NEMP2: variants seen among roughly 807,000 people sequenced by gnomAD.
The protein encoded by NEMP2 is UPF0571 transmembrane protein.
In NEMP2, 53 loss-of-function variants were observed where a neutral mutation model predicts 54.2. The observed-to-expected ratio is 0.98, with a 90% CI of 0.78 to 1.23. The LOEUF (loss-of-function observed/expected upper bound fraction) is 1.23, where lower values mean the gene tolerates loss of function less well. Ranked by LOEUF, NEMP2 falls within the 50% of genes most tolerant of loss-of-function variation. NEMP2 has a pLI of 0.00. For synonymous variants in NEMP2, 197 were observed against 190.3 expected, an observed-to-expected ratio of 1.04 and a Z score of -0.29; for missense variants, 455 against 511.3, an observed-to-expected ratio of 0.89 and a Z score of 1.06.
chr2:190,609,280 G>A, the NEMP2 span: 2 of 152,194 alleles, frequency 1.3e-5, no homozygotes, highest in South Asian at 2.1e-4. The surrounding 1 kb of genome is among the most constrained non-coding windows in gnomAD (Gnocchi z 4.7). Flanking sequence ...CTATAACTAA[G>A]GTCTGAGTCC....
rs1438178270 is a variant in NEMP2 at position 190,530,846 on chromosome 2, G to A, written c.97+3713C>T. Among the ~76,000 whole-genome samples, 1 of 152,182 alleles carries A rather than the reference G, an allele frequency of 6.6e-6. No homozygotes were observed. The highest frequency in any genetic ancestry group is 2.1e-4 in the South Asian group (1 of 4,826). On this transcript the variant is annotated intron_variant, in intron 1 of 8. Coordinates refer to ENST00000409150, the MANE Select transcript of NEMP2 (RefSeq NM_001142645.2). This position sits in a 1 kb window ranked among gnomAD's most constrained non-coding sequence, Gnocchi z 4.6. The stretch of plus-strand genomic sequence containing the variant: ...TACTAGGATAGAACCTCCGGTAGCA[G>A]ATGTAGGCAAACTCAAATGTATCAA...
the NEMP2 span, among the ~76,000 whole-genome samples, chr2:190,570,286 C>G: frequency 1.3e-5 from 2 of 152,026 alleles, no homozygotes; most frequent in African/African-American, 4.8e-5. The surrounding 1 kb of genome is among the most constrained non-coding windows in gnomAD (Gnocchi z 5.4). Flanking sequence ...TTTGATGTTT[C>G]CAAATCTGAG....
Position 190,529,830 on chromosome 2 carries a change from T to C in NEMP2, c.98-4452A>G, listed in dbSNP as rs1691077944. Among the ~76,000 whole-genome samples, 1 of 152,154 alleles carries C rather than the reference T, an allele frequency of 6.6e-6. No homozygotes were observed. The highest frequency in any genetic ancestry group is 6.5e-5 in the Admixed American group (1 of 15,278). The stretch of plus-strand genomic sequence containing the variant: ...CTTGAAACCACCTGATGTAGTAGGA[T>C]GCCCTTGCCAGCCTGTGCCACTGCC... On this transcript the variant is annotated intron_variant, in intron 1 of 8. Transcript: ENST00000409150. The surrounding 1 kb of genome is among the most constrained non-coding windows in gnomAD (Gnocchi z 4.7).
At chr2:190,579,132 TG>T in the NEMP2 span, among the ~76,000 whole-genome samples, 1 of 152,124 alleles carries the variant, frequency 6.6e-6, no homozygotes, top group African/African-American at 2.4e-5. Context: ...TTGGTTTGTG[TG>T]TGTGTGTCCT....
the NEMP2 span, among the ~76,000 whole-genome samples, chr2:190,474,627 G>A: frequency 1.3e-5 from 2 of 152,048 alleles, no homozygotes; most frequent in Non-Finnish European, 2.9e-5. Context: ...AGCTGAATTC[G>A]ACCAGAGGTA....
the NEMP2 span, among the ~76,000 whole-genome samples, chr2:190,646,091 C>T: frequency 6.6e-6 from 1 of 152,184 alleles, no homozygotes; most frequent in East Asian, 1.9e-4. Flanking sequence ...AAAATCACAC[C>T]AGGAGAAACC....
chr2:190,497,728 C>G, the NEMP2 span: 1 of 1,606,708 alleles, frequency 6.2e-7, no homozygotes, highest in Non-Finnish European at 8.5e-7. This position sits in a 1 kb window ranked among gnomAD's most constrained non-coding sequence, Gnocchi z 5.2. Context: ...AGGTACAGTT[C>G]CTTTGCTGGG....
the NEMP2 span, among the ~76,000 whole-genome samples, chr2:190,474,525 G>A: frequency 1.3e-5 from 2 of 152,154 alleles, no homozygotes; most frequent in East Asian, 3.8e-4. Flanking sequence ...GGAAGAAGTT[G>A]AATCTCTGAA....
chr2:190,613,748 C>T, the NEMP2 span, among the ~76,000 whole-genome samples: 31 of 152,072 alleles, frequency 2.0e-4, 1 homozygote, highest in Admixed American at 5.9e-4. Flanking sequence ...CCACCATGCC[C>T]GGCTAATTTT....
At chr2:190,591,790 A>G in the NEMP2 span, among the ~76,000 whole-genome samples, 3 of 152,132 alleles carry the variant, frequency 2.0e-5, no homozygotes, top group African/African-American at 7.2e-5. The surrounding 1 kb of genome is among the most constrained non-coding windows in gnomAD (Gnocchi z 5.4). Flanking sequence ...GACATAACAC[A>G]TTATTGTTGT....
chr2:190,628,261 T>G, the NEMP2 span: 1 of 152,238 alleles, frequency 6.6e-6, no homozygotes, highest in Non-Finnish European at 1.5e-5. The surrounding 1 kb of genome is among the most constrained non-coding windows in gnomAD (Gnocchi z 4.1). Flanking sequence ...CAGCGAAATG[T>G]CTGCTGCATC....
chr2:190,534,742 G>A (rs1691309089), upstream of NEMP2: 2 of 999,748 alleles, frequency 2.0e-6, no homozygotes, highest in Non-Finnish European at 2.6e-6. Context: ...GCTCAGAGAA[G>A]GCGGAGGGGG....
the NEMP2 span, among the ~76,000 whole-genome samples, chr2:190,643,023 G>GTTTTTTTT: frequency 5.0e-5 from 4 of 79,566 alleles, no homozygotes; most frequent in African/African-American, 9.7e-5. Flanking sequence ...AATGGTTAAG[G>GTTTTTTTT]TTTTTTTTTT....
At chr2:190,422,534 C>T in the NEMP2 span, among the ~76,000 whole-genome samples, 2 of 152,238 alleles carry the variant, frequency 1.3e-5, no homozygotes, top group South Asian at 4.1e-4. Flanking sequence ...AATAATTTGG[C>T]TACATATAGA....
At chr2:190,426,791 A>G in the NEMP2 span, among the ~76,000 whole-genome samples, 1 of 152,034 alleles carries the variant, frequency 6.6e-6, no homozygotes, top group Non-Finnish European at 1.5e-5. This position sits in a 1 kb window ranked among gnomAD's most constrained non-coding sequence, Gnocchi z 4.7. Context: ...ATGATTTTTT[A>G]TTGAAAGCAA....
upstream of NEMP2, among the ~76,000 whole-genome samples, chr2:190,537,578 T>C (rs1691417994): frequency 6.6e-6 from 1 of 152,226 alleles, no homozygotes; most frequent in African/African-American, 2.4e-5. Context: ...ATTAAACCTC[T>C]TTCCTTTATA....
chr2:190,535,312 A>G (rs565614166), upstream of NEMP2, among the ~76,000 whole-genome samples: 5 of 152,210 alleles, frequency 3.3e-5, no homozygotes, highest in Non-Finnish European at 7.4e-5. Flanking sequence ...CGGACACGGC[A>G]TTTCAGAGTA....
chr2:190,574,851 C>A, the NEMP2 span, among the ~76,000 whole-genome samples: 2 of 111,998 alleles, frequency 1.8e-5, no homozygotes, highest in Non-Finnish European at 3.4e-5. Context: ...TTTTTCTTTT[C>A]TTTTCTTTGC....
the NEMP2 span, among the ~76,000 whole-genome samples, chr2:190,576,484 C>T: frequency 1.9e-3 from 284 of 152,222 alleles, no homozygotes; most frequent in Middle Eastern, 0.02. Context: ...CATCAAAATG[C>T]AGCTAAGCAT....
Sources: gnomAD v4.1 joint callset for allele counts (sites outside exome capture counted in the v4.1 genomes callset) on GRCh38, gnomAD v4.1.1 for gene constraint, Gnocchi (gnomAD v3.1) non-coding constraint, MANE v1.5 for transcripts, NCBI Gene and HGNC (gene_info 2026-07-23, HGNC 2026-07-21) for gene names.